The following AR variants were observed in gnomAD, a reference collection of about 807,000 sequenced individuals.
The protein encoded by AR is androgen receptor.
A neutral mutation model predicts 53.9 loss-of-function variants in AR; 8 were observed. The ratio of observed to expected loss-of-function variants is 0.15; its 90% CI spans 0.09 to 0.27. AR has a LOEUF of 0.27. Ranked by LOEUF, AR falls within the 10% of genes least tolerant of loss-of-function variation. The pLI is 1.00. For synonymous variants in AR, 359 were observed against 316.4 expected, an observed-to-expected ratio of 1.13 and a Z score of -1.43; for missense variants, 639 against 742.5, an observed-to-expected ratio of 0.86 and a Z score of 1.62.
rs142511333 is a variant in AR, at chrX:67,702,293, A to G, written c.1886-9109A>G. Among the ~76,000 whole-genome samples, 1,047 of 111,818 alleles carry G rather than the reference A, an allele frequency of 9.4e-3. 5 individuals are homozygous for G. Among genetic ancestry groups the G allele is most frequent in the Non-Finnish European group, 0.016 (841 of 53,131 alleles). ...GCAACTCCCGAGCTCAAAGCTAGAAAGGTCCAGTAATGGGGAAGATGGGGT... is the reference window on the plus strand; with the variant it reads ...GCAACTCCCGAGCTCAAAGCTAGAAGGGTCCAGTAATGGGGAAGATGGGGT... On this transcript the variant is annotated intron_variant, in intron 3 of 7. Transcript: ENST00000374690.
chrX:67,717,349 G>T (rs1214973246), intron 4 of AR, 129 bp from the exon 5 acceptor site: 2 of 925,028 alleles, frequency 2.2e-6, no homozygotes, highest in Admixed American at 5.1e-5. Context: ...TTAATGGCCA[G>T]CCTGGATGGT....
intron 1 of AR, among the ~76,000 whole-genome samples, chrX:67,576,585 ATCC>A (rs1466242218): frequency 9.0e-6 from 1 of 111,601 alleles, no homozygotes; most frequent in Non-Finnish European, 1.9e-5. Flanking sequence ...GCTGGCAAGC[ATCC>A]TCCTCCTAAT....
At chrX:67,562,702 C>T (rs1921385205) in intron 1 of AR, among the ~76,000 whole-genome samples, 1 of 110,909 alleles carries the variant, frequency 9.0e-6, no homozygotes, top group African/African-American at 3.3e-5. Flanking sequence ...TTTCACTCCT[C>T]GTATAGGAGG....
chrX:67,689,676 A>G (rs1409397753), intron 3 of AR: 7 of 882,139 alleles, frequency 7.9e-6, no homozygotes, highest in Non-Finnish European at 9.8e-6. Context: ...TTCTTTGTAG[A>G]TGATTCATTC....
At chrX:67,663,156 A>G (rs1403968907) in intron 2 of AR, among the ~76,000 whole-genome samples, 1 of 111,354 alleles carries the variant, frequency 9.0e-6, no homozygotes, top group Non-Finnish European at 1.9e-5. Flanking sequence ...TGTGAATTTG[A>G]TCCTGTCATT....
At chrX:67,625,021 T>C (rs1167666381) in intron 1 of AR, among the ~76,000 whole-genome samples, 1 of 107,189 alleles carries the variant, frequency 9.3e-6, no homozygotes, top group Non-Finnish European at 1.9e-5. Context: ...AAAGAAAACC[T>C]TAAGGAATCC....
intron 3 of AR, among the ~76,000 whole-genome samples, chrX:67,708,635 C>CA (rs765550687): frequency 2.1e-3 from 236 of 112,101 alleles, no homozygotes; most frequent in Non-Finnish European, 3.5e-3. Context: ...AGCCTTCTCT[C>CA]AACTCATCAA....
chrX:67,672,696 T>C (rs767984651), intron 2 of AR, among the ~76,000 whole-genome samples: 1 of 111,579 alleles, frequency 9.0e-6, no homozygotes, highest in East Asian at 2.8e-4. Context: ...TTACATCTTA[T>C]TGTACTGTTT....
Position 67,681,243 on chromosome X carries a change from G to A in AR, c.1769-4767G>A, listed in dbSNP as rs986105928. On this transcript the variant is annotated intron_variant, in intron 2 of 7. Transcript: ENST00000374690. ...TAATGTTTGTAATATCTGAGGAGGG[G>A]GAGCTGCCTAGGAAGTTGTATTCCC... is the stretch of plus-strand genomic sequence containing the variant. Among the ~76,000 whole-genome samples the A allele has an allele frequency of 3.6e-5, 4 of 111,191 alleles. No individual in the cohort carries two copies. In the South Asian group the frequency reaches 1.1e-3, roughly 32 times the overall value.
intron 1 of AR, among the ~76,000 whole-genome samples, chrX:67,608,875 A>AT (rs1236134498): frequency 9.0e-6 from 1 of 111,428 alleles, no homozygotes; most frequent in Non-Finnish European, 1.9e-5. Flanking sequence ...AAAATATTGT[A>AT]TTTTTTAAAT....
chrX:67,641,585 CT>C (rs955542503), intron 1 of AR, among the ~76,000 whole-genome samples: 14 of 111,546 alleles, frequency 1.3e-4, no homozygotes, highest in Non-Finnish European at 3.8e-5. Flanking sequence ...AACTTATGGC[CT>C]TGCTAGCCTT....
intron 4 of AR, among the ~76,000 whole-genome samples, chrX:67,714,492 C>T (rs1457946251): frequency 5.4e-5 from 6 of 111,659 alleles, no homozygotes; most frequent in Admixed American, 9.6e-5. Flanking sequence ...CTGAAGACCT[C>T]GGCTGGCAGA....
chrX:67,701,879 C>A (rs1342668426), intron 3 of AR, among the ~76,000 whole-genome samples: 1 of 112,046 alleles, frequency 8.9e-6, no homozygotes, highest in Non-Finnish European at 1.9e-5. Flanking sequence ...CTGGAGTATT[C>A]TCATAGCCTC....
chrX:67,714,505 T>C (rs894980207), intron 4 of AR, among the ~76,000 whole-genome samples: 1 of 111,820 alleles, frequency 8.9e-6, no homozygotes, highest in Admixed American at 9.5e-5. Flanking sequence ...CTGGCAGATG[T>C]ACTACAGCAG....
At chrX:67,680,796 G>A (rs1338095149) in intron 2 of AR, 1 of 326,066 alleles carries the variant, frequency 3.1e-6, no homozygotes, top group Non-Finnish European at 5.9e-6. Context: ...CAGCACCAAT[G>A]GGACTGACAG....
At chrX:67,638,524 C>T (rs770978093) in intron 1 of AR, among the ~76,000 whole-genome samples, 109 of 111,540 alleles carry the variant, frequency 9.8e-4, no homozygotes, top group African/African-American at 2.5e-3. Context: ...TTCTAACTGG[C>T]GTGAGATGGT....
rs111501204 is a variant in AR at position 67,609,195 on chromosome X, C to T, written c.1617-34061C>T. 4.6e-3 allele frequency among the ~76,000 whole-genome samples: 505 copies of T among 110,959 alleles called. 3 individuals are homozygous for T. The highest frequency in any genetic ancestry group is 0.015 in the African/African-American group (460 of 30,582). On this transcript the variant is annotated intron_variant, in intron 1 of 7. Coordinates refer to ENST00000374690, the MANE Select transcript of AR (RefSeq NM_000044.6). ...TTTTTAAATATTTTATATAACTTGACGGTGAATATACCTATGTACATAGCT... is the reference window on the plus strand; with the variant it reads ...TTTTTAAATATTTTATATAACTTGATGGTGAATATACCTATGTACATAGCT...
chrX:67,701,015 C>T lies in AR; in HGVS notation c.1886-10387C>T, dbSNP rs899204988. 2.7e-5 allele frequency among the ~76,000 whole-genome samples: 3 copies of T among 110,761 alleles called. No individual in the cohort carries two copies. The South Asian group carries it at 1.1e-3, about 42-fold the overall frequency. On this transcript the variant is annotated intron_variant, in intron 3 of 7. Coordinates refer to ENST00000374690, the MANE Select transcript of AR (RefSeq NM_000044.6). The stretch of plus-strand genomic sequence containing the variant: ...GGGTATTGCAAATGGGAAAGTTGCC[C>T]CAGAGAACAGTGTACATTCACAGCA...
At chrX:67,609,186 A>G (rs1191065984) in intron 1 of AR, among the ~76,000 whole-genome samples, 1 of 111,407 alleles carries the variant, frequency 9.0e-6, no homozygotes, top group Non-Finnish European at 1.9e-5. Context: ...AATATTTTAT[A>G]TAACTTGACG....
Sources: allele counts gnomAD v4.1 joint callset (sites outside exome capture counted in the v4.1 genomes callset), GRCh38; gene constraint gnomAD v4.1.1; transcripts MANE v1.5; gene names NCBI Gene and HGNC (gene_info 2026-07-23, HGNC 2026-07-21).